The following SRRM4 variants were observed in gnomAD, a reference collection of about 807,000 sequenced individuals.
SRRM4 encodes the protein serine/arginine repetitive matrix 4, also known as serine/arginine repetitive matrix protein 4.
A neutral mutation model predicts 68.9 loss-of-function variants in SRRM4; 33 were observed. That is an observed-to-expected ratio of 0.48 (90% CI 0.36 to 0.64). The LOEUF is 0.64. Among genes scored for constraint, SRRM4 ranks in the 30% least tolerant of loss-of-function variants. SRRM4 has a pLI of 0.00. For missense variants in SRRM4, 817 were observed against 827.1 expected, an observed-to-expected ratio of 0.99 and a Z score of 0.15; for synonymous variants, 318 against 318.8, an observed-to-expected ratio of 1.00 and a Z score of 0.03.
Position 119,077,144 on chromosome 12 carries a change from T to C in SRRM4, c.132-25092T>C, listed in dbSNP as rs74558097. On this transcript the variant is annotated intron_variant, in intron 1 of 12. Transcript: ENST00000267260. The stretch of plus-strand genomic sequence containing the variant: ...GAGTGATAAAGTCAAATGGGATATT[T>C]ATTTTATGTTGAAAGCTACTGGGTC... Among the ~76,000 whole-genome samples the C allele has an allele frequency of 4.7e-3, 717 of 152,310 alleles. 1 individual carries two copies. The highest frequency in any genetic ancestry group is 0.015 in the African/African-American group (624 of 41,562).
At chr12:119,080,915 G>A (rs976131372) in intron 1 of SRRM4, among the ~76,000 whole-genome samples, 62 of 152,176 alleles carry the variant, frequency 4.1e-4, no homozygotes, top group African/African-American at 1.4e-3. Flanking sequence ...GTCACATGAT[G>A]TTAACATTCT....
intron 1 of SRRM4, among the ~76,000 whole-genome samples, chr12:119,045,741 T>C (rs1298812350): frequency 2.0e-5 from 3 of 152,056 alleles, no homozygotes; most frequent in Non-Finnish European, 4.4e-5. Flanking sequence ...ATTATTTTTA[T>C]AAAGAAAATA....
chr12:119,081,030 T>C (rs1257852720), intron 1 of SRRM4, among the ~76,000 whole-genome samples: 2 of 152,198 alleles, frequency 1.3e-5, no homozygotes, highest in African/African-American at 4.8e-5. Flanking sequence ...TGGAATCCAT[T>C]TGCTTGTTCA....
chr12:119,145,451 G>A lies in SRRM4; in HGVS notation c.842G>A (p.Arg281His), dbSNP rs80145396. The A allele has an allele frequency of 2.5e-5, 40 of 1,608,498 alleles. No individual in the cohort carries two copies. The East Asian group carries it at 3.1e-4, about 13-fold the overall frequency. Residue 281 changes from arginine to histidine, a missense_variant, in exon 9 of 13, where the codon CGT becomes CAT. Physicochemically the swap from Arg to His is conservative, Grantham distance 29. Transcript: ENST00000267260. Reference sequence around the variant, plus strand: ...AGCCCGCTCACCACCTCGCGAGGACGTTCCCAGGAGTACGACTCAGGAAAT... The same window carrying A: ...AGCCCGCTCACCACCTCGCGAGGACATTCCCAGGAGTACGACTCAGGAAAT... ...TASPLTTSRG[R>H]SQEYDSGNDT...
chr12:119,123,404 A>G (rs948136028), intron 6 of SRRM4, among the ~76,000 whole-genome samples: 21 of 152,048 alleles, frequency 1.4e-4, no homozygotes, highest in Non-Finnish European at 2.9e-4. Flanking sequence ...CAGATAGAGT[A>G]CACGTTCCCA....
At chr12:119,025,980 G>A (rs1953546035) in intron 1 of SRRM4, among the ~76,000 whole-genome samples, 1 of 152,030 alleles carries the variant, frequency 6.6e-6, no homozygotes. Flanking sequence ...CTGCCTTAGA[G>A]TCACGGCCAC....
chr12:119,086,647 G>A (rs920384233), intron 1 of SRRM4, among the ~76,000 whole-genome samples: 1 of 152,216 alleles, frequency 6.6e-6, no homozygotes. Flanking sequence ...GCCCCTTCAT[G>A]GGGAAGAGGG....
Position 119,137,912 on chromosome 12 carries a change from T to C in SRRM4, c.771+7078T>C, listed in dbSNP as rs76214958. Among the ~76,000 whole-genome samples the C allele has an allele frequency of 6.4e-3, 971 of 152,024 alleles. 32 individuals carry two copies. The highest frequency in any genetic ancestry group is 0.052 in the Admixed American group (791 of 15,242). On this transcript the variant is annotated intron_variant, in intron 8 of 12. Transcript: ENST00000267260. ...GGTCGAGATGGGAGAGATGGAGCAA[T>C]ACACTTCACAGATCTGGAAGGAAGA...
chr12:119,135,960 T>C (rs1050737407), intron 8 of SRRM4, among the ~76,000 whole-genome samples: 3 of 152,146 alleles, frequency 2.0e-5, no homozygotes, highest in Non-Finnish European at 2.9e-5. Context: ...AGATAAGGTA[T>C]CCATTCATTT....
chr12:119,097,616 C>A (rs1037197600), intron 1 of SRRM4, among the ~76,000 whole-genome samples: 2 of 152,226 alleles, frequency 1.3e-5, no homozygotes, highest in African/African-American at 4.8e-5. Context: ...AAAGAAAAAT[C>A]TACCACATCA....
intron 1 of SRRM4, among the ~76,000 whole-genome samples, chr12:119,005,927 C>A (rs1008153197): frequency 1.3e-5 from 2 of 152,156 alleles, no homozygotes; most frequent in Non-Finnish European, 2.9e-5. Context: ...TTGGGCAAAG[C>A]TCTTAACCTC....
chr12:118,989,064 G>A (rs1286788371), intron 1 of SRRM4, among the ~76,000 whole-genome samples: 1 of 152,114 alleles, frequency 6.6e-6, no homozygotes, highest in Non-Finnish European at 1.5e-5. Flanking sequence ...TTCCCAGGAT[G>A]CAGGCAGAAA....
At chr12:119,044,880 T>C (rs1953695213) in intron 1 of SRRM4, among the ~76,000 whole-genome samples, 1 of 152,208 alleles carries the variant, frequency 6.6e-6, no homozygotes, top group Non-Finnish European at 1.5e-5. Context: ...TGGGTATGAA[T>C]GTGAACTCTA....
intron 1 of SRRM4, among the ~76,000 whole-genome samples, chr12:119,051,773 T>C (rs1359672811): frequency 6.6e-6 from 1 of 152,172 alleles, no homozygotes; most frequent in Non-Finnish European, 1.5e-5. Context: ...CCCCACTCCA[T>C]CTTAGAGGAG....
At chr12:118,985,779 G>T (rs1393155564) in intron 1 of SRRM4, among the ~76,000 whole-genome samples, 1 of 152,174 alleles carries the variant, frequency 6.6e-6, no homozygotes, top group Non-Finnish European at 1.5e-5. Context: ...AAAACCTAGT[G>T]CTTAAGGCTA....
At chr12:119,066,159 T>C (rs932868301) in intron 1 of SRRM4, among the ~76,000 whole-genome samples, 1 of 152,238 alleles carries the variant, frequency 6.6e-6, no homozygotes, top group African/African-American at 2.4e-5. Flanking sequence ...TAATGTGTCA[T>C]TGGCCAAGTG....
intron 1 of SRRM4, among the ~76,000 whole-genome samples, chr12:119,056,005 A>C (rs1180504672): frequency 6.6e-6 from 1 of 152,180 alleles, no homozygotes; most frequent in African/African-American, 2.4e-5. Context: ...CAGCAATTGC[A>C]GGGTCTCTGG....
intron 1 of SRRM4, among the ~76,000 whole-genome samples, chr12:118,983,594 T>A (rs1341544607): frequency 2.0e-5 from 3 of 152,130 alleles, no homozygotes; most frequent in African/African-American, 7.2e-5. Flanking sequence ...AATGCCCTTG[T>A]AGAAGGAACT....
At chr12:118,999,404 G>C (rs1953369565) in intron 1 of SRRM4, among the ~76,000 whole-genome samples, 1 of 152,142 alleles carries the variant, frequency 6.6e-6, no homozygotes, top group Non-Finnish European at 1.5e-5. Flanking sequence ...GGGAGGGGCG[G>C]CCTCAGGGAG....
Sources: allele counts gnomAD v4.1 joint callset (sites outside exome capture counted in the v4.1 genomes callset), GRCh38; gene constraint gnomAD v4.1.1; transcripts MANE v1.5; gene names NCBI Gene and HGNC (gene_info 2026-07-23, HGNC 2026-07-21).